The following PDE11A variants were observed in gnomAD, a reference collection of about 807,000 sequenced individuals.
PDE11A encodes the protein phosphodiesterase 11A, also known as dual 3',5'-cyclic-AMP and -GMP phosphodiesterase 11A.
PDE11A carries 100 observed loss-of-function variants against 100.5 expected under a neutral mutation model. The ratio of observed to expected loss-of-function variants is 1.00; its 90% CI spans 0.85 to 1.18. The LOEUF (loss-of-function observed/expected upper bound fraction) is 1.18, where lower values mean the gene tolerates loss of function less well. Ranked by LOEUF, PDE11A falls within the 50% of genes most tolerant of loss-of-function variation. The pLI, the probability that PDE11A is intolerant of heterozygous loss-of-function variation, is 0.00. For missense variants in PDE11A, 1,141 were observed against 1,152.6 expected (o/e 0.99, Z 0.15); for synonymous variants, 381 against 420.8 (o/e 0.91, Z 1.16).
chr2:178,020,002 T>C (rs2086386421), intron 1 of PDE11A, among the ~76,000 whole-genome samples: 1 of 152,220 alleles, frequency 6.6e-6, no homozygotes, highest in Non-Finnish European at 1.5e-5. Context: ...TCATCACATA[T>C]GGAATCAATC....
intron 2 of PDE11A, among the ~76,000 whole-genome samples, chr2:178,099,144 G>A (rs1181268857): frequency 6.6e-6 from 1 of 152,114 alleles, no homozygotes; most frequent in Non-Finnish European, 1.5e-5. Flanking sequence ...AATACAGTAC[G>A]GCCAGGAACA....
chr2:177,700,402 CAAAAA>C (rs3056937), intron 14 of PDE11A, among the ~76,000 whole-genome samples: 2 of 145,118 alleles, frequency 1.4e-5, no homozygotes, highest in Admixed American at 6.8e-5. Context: ...TTCCTGGCCT[CAAAAA>C]AAAAAAAAAA....
chr2:177,718,119 A>G (rs2081470082), intron 12 of PDE11A, among the ~76,000 whole-genome samples: 1 of 152,214 alleles, frequency 6.6e-6, no homozygotes, highest in Non-Finnish European at 1.5e-5. Flanking sequence ...AATGTCAACA[A>G]CAGTTAACTT....
intron 2 of PDE11A, among the ~76,000 whole-genome samples, chr2:177,986,035 TC>T (rs754276708): frequency 2.6e-5 from 4 of 152,192 alleles, no homozygotes; most frequent in Non-Finnish European, 5.9e-5. Context: ...ACTTTCTGAG[TC>T]CTTTTTTGTC....
At chr2:177,883,184 G>A (rs552728273) in intron 4 of PDE11A, among the ~76,000 whole-genome samples, 10 of 151,308 alleles carry the variant, frequency 6.6e-5, no homozygotes, top group South Asian at 2.1e-4. Flanking sequence ...CAGGAGAATC[G>A]TTTGAATCTG....
chr2:177,982,782 C>G (rs916890249), intron 2 of PDE11A, among the ~76,000 whole-genome samples: 1 of 150,842 alleles, frequency 6.6e-6, no homozygotes, highest in Non-Finnish European at 1.5e-5. Context: ...TCTTGTTACA[C>G]TATAAAAATA....
chr2:177,824,582 T>G (rs1558957267), intron 6 of PDE11A, among the ~76,000 whole-genome samples: 1 of 152,198 alleles, frequency 6.6e-6, no homozygotes, highest in African/African-American at 2.4e-5. Flanking sequence ...AAATACATAC[T>G]CTTTGACCTA....
chr2:177,892,640 C>A (rs1313714518), intron 4 of PDE11A, among the ~76,000 whole-genome samples: 1 of 152,252 alleles, frequency 6.6e-6, no homozygotes, highest in African/African-American at 2.4e-5. Context: ...ACCAAGGAGA[C>A]ATGCACCTTT....
intron 3 of PDE11A, among the ~76,000 whole-genome samples, chr2:177,899,745 A>G (rs1225293467): frequency 2.0e-5 from 3 of 148,612 alleles, no homozygotes; most frequent in African/African-American, 7.3e-5. Flanking sequence ...CTTCATATAT[A>G]TAAAATATAT....
chr2:177,829,885 C>T (rs77613135), intron 6 of PDE11A, among the ~76,000 whole-genome samples: 3,853 of 152,232 alleles, frequency 0.025, 82 homozygotes, highest in African/African-American at 0.059. Flanking sequence ...AGCACGGTCA[C>T]TTCCCTGGTG....
At chr2:177,689,367 C>CCA (rs1364371006) in intron 15 of PDE11A, among the ~76,000 whole-genome samples, 1 of 152,188 alleles carries the variant, frequency 6.6e-6, no homozygotes, top group Non-Finnish European at 1.5e-5. Flanking sequence ...CAGGCGTGAG[C>CCA]CACTGTCCCC....
intron 6 of PDE11A, among the ~76,000 whole-genome samples, chr2:177,837,001 A>G (rs2083412778): frequency 6.6e-6 from 1 of 152,168 alleles, no homozygotes; most frequent in South Asian, 2.1e-4. Context: ...GAGACCAAGA[A>G]CCCACCAATT....
chr2:177,917,245 T>A (rs2084968256), intron 2 of PDE11A, among the ~76,000 whole-genome samples: 1 of 152,112 alleles, frequency 6.6e-6, no homozygotes, highest in Non-Finnish European at 1.5e-5. Context: ...CTGGGAGCCA[T>A]CATTGATTGC....
At position 178,053,218 on chromosome 2, in the gene PDE11A, A is replaced by G. The variant is rs2086851539; in HGVS notation, c.912+18308T>C. Among the ~76,000 whole-genome samples, 4 of 152,224 alleles carry G rather than the reference A, an allele frequency of 2.6e-5. No individual in the cohort carries two copies. The South Asian group carries it at 8.3e-4, about 32-fold the overall frequency. On this transcript the variant is annotated intron_variant, in intron 1 of 19. Coordinates refer to ENST00000286063, the MANE Select transcript of PDE11A (RefSeq NM_016953.4). ...TGCAAGGCTGGTTCAACATACACAA[A>G]TCAATAAACATAATCCATCATATAA...
chr2:177,650,155 T>C (rs56876249), intron 19 of PDE11A, among the ~76,000 whole-genome samples: 10,110 of 152,210 alleles, frequency 0.066, 929 homozygotes, highest in African/African-American at 0.21. Context: ...ACCTCATTGC[T>C]CCTCAGCATT....
intron 2 of PDE11A, among the ~76,000 whole-genome samples, chr2:178,081,804 T>C (rs2087288406): frequency 6.6e-6 from 1 of 152,274 alleles, no homozygotes; most frequent in African/African-American, 2.4e-5. Flanking sequence ...TTTTTAAAAA[T>C]TATTAAAAGT....
At chr2:177,803,602 C>T (rs929698473) in intron 9 of PDE11A, among the ~76,000 whole-genome samples, 2 of 151,954 alleles carry the variant, frequency 1.3e-5, no homozygotes, top group African/African-American at 2.4e-5. Context: ...AGATAATATA[C>T]CATGATCAGG....
At chr2:178,018,813 G>C (rs1283833102) in intron 1 of PDE11A, among the ~76,000 whole-genome samples, 2 of 152,114 alleles carry the variant, frequency 1.3e-5, no homozygotes, top group African/African-American at 4.8e-5. Flanking sequence ...CTCTTTAAAC[G>C]CTGGGATCAC....
At chr2:177,641,365 C>CT (rs1187916308) in intron 19 of PDE11A, among the ~76,000 whole-genome samples, 1 of 148,126 alleles carries the variant, frequency 6.8e-6, no homozygotes, top group Admixed American at 6.8e-5. Context: ...AATAATCCCA[C>CT]TAAGTTTTCT....
Sources: gnomAD v4.1 joint callset for allele counts (sites outside exome capture counted in the v4.1 genomes callset) on GRCh38, gnomAD v4.1.1 for gene constraint, MANE v1.5 for transcripts, NCBI Gene and HGNC (gene_info 2026-07-23, HGNC 2026-07-21) for gene names.